BTBD16: variants seen among roughly 807,000 people sequenced by gnomAD.
The protein encoded by BTBD16 is BTB/POZ domain-containing protein 16.
Under a neutral mutation model 67.4 loss-of-function variants are expected in BTBD16, and 66 were observed. The ratio of observed to expected loss-of-function variants is 0.98; its 90% confidence interval spans 0.80 to 1.20. BTBD16 has a LOEUF of 1.20. Among genes scored for constraint, BTBD16 ranks in the 50% most tolerant of loss-of-function variants. The pLI is 0.00. For synonymous variants in BTBD16, 242 were observed against 236.4 expected (o/e 1.02, Z -0.22); for missense variants, 634 against 616.0 (o/e 1.03, Z -0.31).
chr10:122,312,055 T>C (rs1026778891), intron 10 of BTBD16, among the ~76,000 whole-genome samples: 1 of 152,258 alleles, frequency 6.6e-6, no homozygotes, highest in South Asian at 2.1e-4. Flanking sequence ...CCACTAGGAA[T>C]AGTATTGCTA....
At chr10:122,284,673 ATTTTTTTT>A (rs60823097) in intron 4 of BTBD16, among the ~76,000 whole-genome samples, 33,814 of 124,932 alleles carry the variant, frequency 0.27, 4,127 homozygotes, top group East Asian at 0.45. Context: ...CTTAAAGTGG[ATTTTTTTT>A]TTTTTTTTTT....
chr10:122,331,372 A>G, intron 12 of BTBD16, 114 bp downstream of exon 12: 1 of 1,400,262 alleles, frequency 7.1e-7, no homozygotes, highest in Non-Finnish European at 9.4e-7. Context: ...AGGTCAGGAC[A>G]TATCTGGATC....
chr10:122,329,085 A>T (rs1166406960), intron 10 of BTBD16, among the ~76,000 whole-genome samples: 2 of 152,184 alleles, frequency 1.3e-5, no homozygotes, highest in African/African-American at 4.8e-5. Flanking sequence ...CATCTGTAAA[A>T]TGGAGCTCAC....
intron 10 of BTBD16, among the ~76,000 whole-genome samples, chr10:122,317,834 T>C (rs1244840873): frequency 6.6e-6 from 1 of 152,148 alleles, no homozygotes; most frequent in Non-Finnish European, 1.5e-5. Flanking sequence ...ATGATAACAA[T>C]GGCTTCTTCT....
chr10:122,300,178 G>A (rs2096391161), intron 9 of BTBD16, among the ~76,000 whole-genome samples: 1 of 152,112 alleles, frequency 6.6e-6, no homozygotes, highest in South Asian at 2.1e-4. Flanking sequence ...TAAATTCCTA[G>A]AAATGAAGTT....
intron 2 of BTBD16, among the ~76,000 whole-genome samples, chr10:122,276,377 T>G (rs897082036): frequency 2.6e-5 from 4 of 152,184 alleles, no homozygotes; most frequent in African/African-American, 9.7e-5. Flanking sequence ...TTTTGTATAT[T>G]TTACCACCAT....
At chr10:122,321,102 G>A (rs900458816) in intron 10 of BTBD16, among the ~76,000 whole-genome samples, 2 of 152,172 alleles carry the variant, frequency 1.3e-5, no homozygotes, top group South Asian at 2.1e-4. Context: ...AGAACATACG[G>A]TATTTGGTTT....
intron 9 of BTBD16, among the ~76,000 whole-genome samples, chr10:122,302,991 A>G (rs2096396965): frequency 6.6e-6 from 1 of 152,166 alleles, no homozygotes; most frequent in African/African-American, 2.4e-5. Flanking sequence ...TTCCTTATTG[A>G]TGGTCAAGAA....
At chr10:122,290,464 G>T (rs2096371935) in intron 6 of BTBD16, among the ~76,000 whole-genome samples, 1 of 152,068 alleles carries the variant, frequency 6.6e-6, no homozygotes, top group South Asian at 2.1e-4. Context: ...AGACTTCTTT[G>T]CTTGTGCAAC....
At chr10:122,279,464 CAG>C (rs1217050503) in intron 3 of BTBD16, among the ~76,000 whole-genome samples, 1 of 146,102 alleles carries the variant, frequency 6.8e-6, no homozygotes, top group African/African-American at 2.5e-5. Context: ...GCCTGGGAGA[CAG>C]AGGGAGATTT....
chr10:122,289,475 A>G (rs924430672), intron 5 of BTBD16, among the ~76,000 whole-genome samples: 1 of 152,194 alleles, frequency 6.6e-6, no homozygotes, highest in Admixed American at 6.5e-5. Flanking sequence ...GCGGTGGTTC[A>G]CATTTGTAAT....
At chr10:122,321,749 G>T (rs1234519917) in intron 10 of BTBD16, among the ~76,000 whole-genome samples, 5 of 152,038 alleles carry the variant, frequency 3.3e-5, no homozygotes, top group African/African-American at 1.2e-4. Context: ...AGATTTGGGG[G>T]TATTATACCT....
chr10:122,333,025 C>T (rs1160058329), intron 13 of BTBD16: 1 of 950,148 alleles, frequency 1.1e-6, no homozygotes, highest in Non-Finnish European at 1.3e-6. Flanking sequence ...CCAGGGGAAC[C>T]TTGGAGTTGG....
At position 122,287,575 on chromosome 10, in the gene BTBD16, A is replaced by G. The variant is rs147818527; in HGVS notation, c.385+1327A>G. 2.5e-3 allele frequency: 1,770 copies of G among 711,220 alleles called. 5 individuals are homozygous for G. The highest frequency in any genetic ancestry group is 2.9e-3 in the Non-Finnish European group (1,688 of 579,662). 44.1% of individuals were successfully genotyped at this position (711,220 alleles called of 1,614,324 possible). ...GCAAGTTCCATGGACCGATCAAGCC[A>G]TGGGATTCACGTCTTTCAATAGGAA... On this transcript the variant is annotated intron_variant, in intron 5 of 15. Coordinates refer to ENST00000260723, the MANE Select transcript of BTBD16 (RefSeq NM_144587.5).
chr10:122,275,280 G>A (rs1415732716), intron 2 of BTBD16, among the ~76,000 whole-genome samples, 181 bp downstream of exon 2: 5 of 152,152 alleles, frequency 3.3e-5, no homozygotes, highest in Admixed American at 3.3e-4. Flanking sequence ...GAGCAGGCTT[G>A]TGGTCTGAGC....
In BTBD16 at chr10:122,272,128, G is replaced by A. The variant is rs554150341; in HGVS notation, c.-43+614G>A. On this transcript the variant is annotated intron_variant, in intron 1 of 15. Coordinates refer to ENST00000260723, the MANE Select transcript of BTBD16 (RefSeq NM_144587.5). ...AAAGGGATCAGAAAAGCATGTATGT[G>A]TTACCTGAGGTGGGAGAAGCCTCAC... 1.8e-4 allele frequency among the ~76,000 whole-genome samples: 27 copies of A among 152,302 alleles called. 1 individual carries two copies. In the South Asian group the frequency reaches 5.4e-3, roughly 30 times the overall value.
chr10:122,291,960 C>T (rs950781039), intron 7 of BTBD16, among the ~76,000 whole-genome samples: 2 of 152,058 alleles, frequency 1.3e-5, no homozygotes, highest in African/African-American at 2.4e-5. Flanking sequence ...CTCATCCTGA[C>T]GAGGGTTGCC....
At chr10:122,272,498 C>T (rs1275344509) in intron 1 of BTBD16, among the ~76,000 whole-genome samples, 3 of 152,104 alleles carry the variant, frequency 2.0e-5, no homozygotes, top group Non-Finnish European at 2.9e-5. Flanking sequence ...TGCGCCACCA[C>T]ACCCAGCTAA....
At chr10:122,327,589 T>A in intron 10 of BTBD16, 1 of 985,350 alleles carries the variant, frequency 1.0e-6, no homozygotes, top group Non-Finnish European at 1.2e-6. Flanking sequence ...CCAGCTTGGT[T>A]GGATGATGAG....
Sources: gnomAD v4.1 joint callset for allele counts (sites outside exome capture counted in the v4.1 genomes callset) on GRCh38, gnomAD v4.1.1 for gene constraint, MANE v1.5 for transcripts, NCBI Gene and HGNC (gene_info 2026-07-23, HGNC 2026-07-21) for gene names.